RASEF: variants seen among roughly 807,000 people sequenced by gnomAD.
RASEF encodes the protein ras and EF-hand domain-containing protein.
In RASEF, 68 loss-of-function variants were observed where a neutral mutation model predicts 90.1. The ratio of observed to expected loss-of-function variants is 0.75; its 90% confidence interval spans 0.62 to 0.92. RASEF has a LOEUF of 0.92. Among genes scored for constraint, RASEF ranks in the 40% least tolerant of loss-of-function variants. The pLI is 0.00. For missense variants in RASEF, 949 were observed against 937.2 expected (o/e 1.01, Z -0.16); for synonymous variants, 331 against 345.2 (o/e 0.96, Z 0.46).
At chr9:83,102,181 AT>A in the RASEF span, among the ~76,000 whole-genome samples, 1 of 152,108 alleles carries the variant, frequency 6.6e-6, no homozygotes, top group South Asian at 2.1e-4. Context: ...GGTTCAAGAG[AT>A]TCTCCTGCCT....
At chr9:82,996,100 C>A (rs1283382268) in intron 14 of RASEF, among the ~76,000 whole-genome samples, 1 of 152,116 alleles carries the variant, frequency 6.6e-6, no homozygotes, top group East Asian at 1.9e-4. Context: ...AGTCTTACTG[C>A]CAATTGCAAT....
chr9:83,198,561 C>A, the RASEF span, among the ~76,000 whole-genome samples: 2 of 152,170 alleles, frequency 1.3e-5, no homozygotes, highest in East Asian at 3.9e-4. Flanking sequence ...CAGGGAGATA[C>A]AGAAGCCAAT....
the RASEF span, among the ~76,000 whole-genome samples, chr9:83,102,788 C>CT: frequency 5.3e-5 from 8 of 152,114 alleles, no homozygotes; most frequent in African/African-American, 1.7e-4. Flanking sequence ...GTACCCTGCC[C>CT]TGGGGTGATG....
the RASEF span, among the ~76,000 whole-genome samples, chr9:83,100,287 C>T: frequency 6.6e-6 from 1 of 152,284 alleles, no homozygotes; most frequent in East Asian, 1.9e-4. Flanking sequence ...ATTGTTCTCT[C>T]ATTGCTTCTT....
chr9:83,099,760 A>G, the RASEF span, among the ~76,000 whole-genome samples: 1 of 152,212 alleles, frequency 6.6e-6, no homozygotes, highest in Non-Finnish European at 1.5e-5. Context: ...ACGCACAAAG[A>G]TATTTTGGGG....
chr9:83,013,719 T>C (rs1306092104), intron 4 of RASEF, among the ~76,000 whole-genome samples: 2 of 152,230 alleles, frequency 1.3e-5, no homozygotes, highest in Non-Finnish European at 2.9e-5. Flanking sequence ...TTAACCTCCC[T>C]GGAACTCAGT....
intron 6 of RASEF, among the ~76,000 whole-genome samples, chr9:83,008,632 T>C (rs1829175572): frequency 6.6e-6 from 1 of 152,026 alleles, no homozygotes; most frequent in Non-Finnish European, 1.5e-5. Flanking sequence ...TCTGAGTTGC[T>C]GATGTTGCCA....
At chr9:83,094,208 A>C in the RASEF span, among the ~76,000 whole-genome samples, 3 of 151,776 alleles carry the variant, frequency 2.0e-5, no homozygotes, top group Non-Finnish European at 4.4e-5. Flanking sequence ...CTAATATCAT[A>C]GCCATTAGCC....
the RASEF span, among the ~76,000 whole-genome samples, chr9:83,106,964 T>C: frequency 1.3e-5 from 2 of 152,182 alleles, no homozygotes; most frequent in Non-Finnish European, 1.5e-5. Context: ...ATTATCCATG[T>C]TCTCTGGCCT....
intron 3 of RASEF, among the ~76,000 whole-genome samples, chr9:83,020,772 G>C (rs1471711345): frequency 2.0e-5 from 3 of 152,176 alleles, no homozygotes; most frequent in South Asian, 2.1e-4. Context: ...CATTTATCTG[G>C]AAGAAGCAAT....
In RASEF at chr9:83,062,793, C is replaced by T. The variant is rs774062629; in HGVS notation, c.75G>A (p.Ser25=). Residue 25 remains serine (S), a synonymous_variant, in exon 1 of 17, where the codon TCG becomes TCA. Coordinates refer to ENST00000376447, the MANE Select transcript of RASEF (RefSeq NM_152573.4). The stretch of plus-strand genomic sequence containing the variant: ...GGAACTCCTCGCGCTCCAGGCGCCC[C>T]GAGCGGTTCGCGTCGCAGGCGGCGA... ...SVFAACDANR[S]GRLEREEFRA... 20 of 1,555,640 alleles carry T rather than the reference C, an allele frequency of 1.3e-5. No homozygotes were observed. Among genetic ancestry groups the T allele is most frequent in the Non-Finnish European group, 1.6e-5 (18 of 1,160,918 alleles).
chr9:83,091,600 T>C, the RASEF span, among the ~76,000 whole-genome samples: 2 of 152,186 alleles, frequency 1.3e-5, no homozygotes, highest in South Asian at 2.1e-4. Context: ...GAACTCCTTA[T>C]GGACATCTAA....
At chr9:83,087,423 C>CTCTCTCTCTCTCTCTCTCTCTG in the RASEF span, among the ~76,000 whole-genome samples, 5 of 151,144 alleles carry the variant, frequency 3.3e-5, no homozygotes, top group African/African-American at 9.7e-5. Context: ...CTCTCTCTCT[C>CTCTCTCTCTCTCTCTCTCTCTG]TCTCTCTCTC....
chr9:83,048,211 A>G, intron 1 of RASEF: 1 of 985,380 alleles, frequency 1.0e-6, no homozygotes, highest in Non-Finnish European at 1.2e-6. Context: ...AGGTCATCTG[A>G]CAGGGACCGG....
At chr9:83,102,411 A>G in the RASEF span, among the ~76,000 whole-genome samples, 6 of 152,298 alleles carry the variant, frequency 3.9e-5, no homozygotes, top group Non-Finnish European at 7.3e-5. Flanking sequence ...TTAGCTGCCA[A>G]TACACACCTT....
chr9:83,009,008 G>A (rs1399002512), intron 6 of RASEF, among the ~76,000 whole-genome samples: 1 of 144,050 alleles, frequency 6.9e-6, no homozygotes, highest in Non-Finnish European at 1.5e-5. Context: ...CTAGTTCAGA[G>A]ACTTGTATGT....
At chr9:83,217,381 A>G in the RASEF span, among the ~76,000 whole-genome samples, 8 of 152,102 alleles carry the variant, frequency 5.3e-5, no homozygotes. Flanking sequence ...AGGACATGAG[A>G]TTTGGGAGAA....
At chr9:83,196,581 G>T in the RASEF span, among the ~76,000 whole-genome samples, 1 of 152,126 alleles carries the variant, frequency 6.6e-6, no homozygotes, top group Non-Finnish European at 1.5e-5. Context: ...TGTGTGTCTT[G>T]CTATAAAGCC....
chr9:83,087,859 A>G, the RASEF span, among the ~76,000 whole-genome samples: 1 of 151,392 alleles, frequency 6.6e-6, no homozygotes, highest in Non-Finnish European at 1.5e-5. Context: ...AGGTTAGGGG[A>G]CTGATTTGAG....
Sources: allele counts gnomAD v4.1 joint callset (sites outside exome capture counted in the v4.1 genomes callset), GRCh38; gene constraint gnomAD v4.1.1; transcripts MANE v1.5; gene names NCBI Gene and HGNC (gene_info 2026-07-23, HGNC 2026-07-21).